ERBIN: variants seen among roughly 807,000 people sequenced by gnomAD.
The protein encoded by ERBIN is densin-180-like protein.
In ERBIN, 60 loss-of-function variants were observed where a neutral mutation model predicts 158.4. The ratio of observed to expected loss-of-function variants is 0.38; its 90% CI spans 0.31 to 0.47. The LOEUF (loss-of-function observed/expected upper bound fraction) is 0.47, where lower values mean the gene tolerates loss of function less well. Among genes scored for constraint, ERBIN ranks in the 20% least tolerant of loss-of-function variants. The probability of loss-of-function intolerance (pLI) is 0.99; values close to 1 mark genes in which losing one functional copy is unlikely to be tolerated. For synonymous variants in ERBIN, 594 were observed against 557.2 expected, an observed-to-expected ratio of 1.07 and a Z score of -0.93; for missense variants, 1,610 against 1,648.0, an observed-to-expected ratio of 0.98 and a Z score of 0.40.
chr5:66,054,707 G>A lies in ERBIN; in HGVS notation c.3389G>A (p.Arg1130Gln), dbSNP rs144581883. 23 of 1,613,926 alleles carry A rather than the reference G, an allele frequency of 1.4e-5. No homozygotes were observed. The highest frequency in any genetic ancestry group is 3.3e-5 in the Admixed American group (2 of 59,978). Reference sequence around the variant, plus strand: ...GGATCACAGAGACCCCTTTCTGCACGAACATACAGCATAGATGGTCCAAAT... The same window carrying A: ...GGATCACAGAGACCCCTTTCTGCACAAACATACAGCATAGATGGTCCAAAT... ...MPGSQRPLSA[R>Q]TYSIDGPNAS... Residue 1130 changes from arginine to glutamine, a missense_variant, in exon 21 of 26, where the codon CGA becomes CAA. By Grantham distance (43) the Arg-to-Gln change is conservative. Transcript: ENST00000284037.
chr5:65,992,359 G>A (rs754808998), intron 2 of ERBIN, among the ~76,000 whole-genome samples: 18 of 151,986 alleles, frequency 1.2e-4, no homozygotes, highest in Admixed American at 5.9e-4. Context: ...TCTGTTAGCC[G>A]GGATGGTCTC....
chr5:65,979,647 A>T (rs1331019229), intron 1 of ERBIN, among the ~76,000 whole-genome samples: 1 of 152,236 alleles, frequency 6.6e-6, no homozygotes, highest in Non-Finnish European at 1.5e-5. Context: ...AGTAATGGAC[A>T]TGCCAAAAAA....
rs1303421379 is a variant in ERBIN at position 66,054,777 on chromosome 5, A to G, written c.3459A>G (p.Pro1153=). 6.2e-7 allele frequency: 1 copy of G among 1,614,150 alleles called. No homozygotes were observed. Among genetic ancestry groups the G allele is most frequent in the East Asian group, 2.2e-5 (1 of 44,886 alleles). ...QSARPSINEI[P]ERTMSVSDFN... is the part of the protein sequence containing the mutation. ...CTCGACCCTCTATTAATGAAATACCAGAGAGAACTATGTCAGTTAGTGATT... is the reference window on the plus strand; with the variant it reads ...CTCGACCCTCTATTAATGAAATACCGGAGAGAACTATGTCAGTTAGTGATT... Residue 1153 remains proline (P), a synonymous_variant, in exon 21 of 26, where the codon CCA becomes CCG. Coordinates refer to ENST00000284037, the MANE Select transcript of ERBIN (RefSeq NM_001253697.2).
rs1561271135 is a variant in ERBIN at position 65,940,609 on chromosome 5, CT to C, written c.-58+13804del. ...GCCCCTACTGGGAAGTGAGGAGCCC[CT>C]CTGCCCGGCCAGCCGCCCCGTCCGG... On this transcript the variant is annotated intron_variant, in intron 1 of 25. Coordinates refer to ENST00000284037, the MANE Select transcript of ERBIN (RefSeq NM_001253697.2). Among the ~76,000 whole-genome samples the C allele has an allele frequency of 1.3e-3, 187 of 141,952 alleles. 17 individuals are homozygous for C. Among genetic ancestry groups the C allele is most frequent in the African/African-American group, 4.4e-3 (161 of 36,678 alleles). 93.1% of individuals were successfully genotyped at this position (141,952 alleles called of 152,430 possible). A position where few individuals can be genotyped will look rare whatever the true frequency, so the allele number is the denominator to read the frequency against.
At chr5:65,964,741 C>CTTT (rs70987103) in intron 1 of ERBIN, among the ~76,000 whole-genome samples, 72 of 119,444 alleles carry the variant, frequency 6.0e-4, no homozygotes, top group Non-Finnish European at 7.6e-4. Context: ...CCAGAGCAAT[C>CTTT]TTTTTTTTTT....
At chr5:65,957,729 G>A (rs1479334921) in intron 1 of ERBIN, among the ~76,000 whole-genome samples, 2 of 152,234 alleles carry the variant, frequency 1.3e-5, no homozygotes, top group Non-Finnish European at 2.9e-5. Context: ...GAGCTGTTGG[G>A]TACACCTCTA....
intron 4 of ERBIN, among the ~76,000 whole-genome samples, chr5:66,003,050 T>TTA (rs1561358411): frequency 6.6e-6 from 1 of 152,228 alleles, no homozygotes; most frequent in Admixed American, 6.5e-5. Context: ...ATTTGTTGTG[T>TTA]TATATCTGGT....
chr5:66,056,590 CG>C (rs1759605792), intron 21 of ERBIN, among the ~76,000 whole-genome samples: 1 of 151,674 alleles, frequency 6.6e-6, no homozygotes, highest in Admixed American at 6.6e-5. Context: ...ATTCACGGTA[CG>C]GGTTCTTGAA....
chr5:66,015,209 A>G (rs1754590594), intron 7 of ERBIN, among the ~76,000 whole-genome samples: 1 of 151,394 alleles, frequency 6.6e-6, no homozygotes, highest in Admixed American at 6.6e-5. Flanking sequence ...ATCCAGGAGC[A>G]AAAAAAAAGA....
At chr5:65,957,073 T>G (rs771539153) in intron 1 of ERBIN, among the ~76,000 whole-genome samples, 75 of 152,316 alleles carry the variant, frequency 4.9e-4, no homozygotes, top group Admixed American at 8.5e-4. Context: ...TATATTTATT[T>G]AGCACCCTCT....
At chr5:65,972,600 CCT>C (rs1416271571) in intron 1 of ERBIN, among the ~76,000 whole-genome samples, 1 of 151,332 alleles carries the variant, frequency 6.6e-6, no homozygotes. Context: ...TTCTTCTTTT[CCT>C]CTCCATATCT....
intron 4 of ERBIN, among the ~76,000 whole-genome samples, chr5:66,003,923 CTTTTTTTT>C (rs35063438): frequency 1.3e-4 from 8 of 62,642 alleles, no homozygotes; most frequent in Admixed American, 2.1e-4. Context: ...GAGCAGCAGT[CTTTTTTTT>C]TTTTTTTTTT....
rs1757467213 is a variant in ERBIN, at chr5:66,037,070, TGA to T, written c.1207-1311_1207-1310del. Among the ~76,000 whole-genome samples the T allele has an allele frequency of 2.6e-5, 4 of 152,306 alleles. No individual in the cohort carries two copies. The South Asian group carries it at 8.3e-4, about 32-fold the overall frequency. ...CAGTTTTAGAAGATTTTCAGGGTGA[TGA>T]GTTTTTAAAAGCCTCCCATATAATT... On this transcript the variant is annotated intron_variant, in intron 14 of 25. Transcript: ENST00000284037.
At chr5:65,967,463 A>G (rs1279139490) in intron 1 of ERBIN, among the ~76,000 whole-genome samples, 1 of 152,156 alleles carries the variant, frequency 6.6e-6, no homozygotes, top group Non-Finnish European at 1.5e-5. Context: ...TAAATACACA[A>G]ATACTTATCA....
intron 1 of ERBIN, among the ~76,000 whole-genome samples, chr5:65,929,343 C>T (rs1013504738): frequency 6.6e-6 from 1 of 152,070 alleles, no homozygotes; most frequent in African/African-American, 2.4e-5. Flanking sequence ...TAATTGCTTA[C>T]GGATAATACG....
At chr5:66,028,680 A>G (rs1295032097) in intron 14 of ERBIN, among the ~76,000 whole-genome samples, 1 of 152,090 alleles carries the variant, frequency 6.6e-6, no homozygotes, top group Admixed American at 6.6e-5. Context: ...CTACTCGGCA[A>G]TTTCAAGACT....
intron 4 of ERBIN, among the ~76,000 whole-genome samples, chr5:66,000,385 G>T (rs1019120218): frequency 1.3e-5 from 2 of 152,110 alleles, no homozygotes; most frequent in East Asian, 3.8e-4. Context: ...ACTATTTAAA[G>T]AATTACATGT....
intron 25 of ERBIN, among the ~76,000 whole-genome samples, chr5:66,077,150 C>CAAAAAA (rs397977892): frequency 1.3e-5 from 1 of 74,596 alleles, no homozygotes; most frequent in African/African-American, 4.3e-5. Flanking sequence ...GACTCTGTCT[C>CAAAAAA]AAAAAAAAAA....
chr5:65,960,951 A>G (rs1747834588), intron 1 of ERBIN, among the ~76,000 whole-genome samples: 1 of 152,202 alleles, frequency 6.6e-6, no homozygotes, highest in South Asian at 2.1e-4. Context: ...CATTTTGACA[A>G]CGAAAATGTT....
Sources: gnomAD v4.1 joint callset for allele counts (sites outside exome capture counted in the v4.1 genomes callset) on GRCh38, gnomAD v4.1.1 for gene constraint, MANE v1.5 for transcripts, NCBI Gene and HGNC (gene_info 2026-07-23, HGNC 2026-07-21) for gene names.